The following CADM1 variants were observed in gnomAD, a reference collection of about 807,000 sequenced individuals.
CADM1 encodes the protein cell adhesion molecule 1.
Under a neutral mutation model 53.1 loss-of-function variants are expected in CADM1, and 15 were observed. That is an observed-to-expected ratio of 0.28 (90% CI 0.19 to 0.44). CADM1 has a LOEUF of 0.44. Among genes scored for constraint, CADM1 ranks in the 20% least tolerant of loss-of-function variants. The pLI, the probability that CADM1 is intolerant of heterozygous loss-of-function variation, is 1.00. For missense variants in CADM1, 434 were observed against 611.3 expected, an observed-to-expected ratio of 0.71 and a Z score of 3.06; for synonymous variants, 281 against 243.0, an observed-to-expected ratio of 1.16 and a Z score of -1.45.
intron 1 of CADM1, among the ~76,000 whole-genome samples, chr11:115,284,085 A>ACTCTCTCTCTCTCTCTCT (rs1449186377): frequency 9.4e-4 from 22 of 23,368 alleles, no homozygotes; most frequent in African/African-American, 2.6e-3. Flanking sequence ...ACAAGCCCAG[A>ACTCTCTCTCTCTCTCTCT]CACTCTCTCT....
chr11:115,404,846 A>G (rs1218406818), intron 1 of CADM1, among the ~76,000 whole-genome samples: 1 of 144,260 alleles, frequency 6.9e-6, no homozygotes, highest in Non-Finnish European at 1.5e-5. Flanking sequence ...TGCCTCAGGA[A>G]AAAAAAAAAA....
rs778473450 is a variant in CADM1, at chr11:115,174,383, C to A, written c.*2091G>T. On this transcript the variant is annotated 3_prime_UTR_variant, in exon 12 of 12. Coordinates refer to ENST00000331581, the MANE Select transcript of CADM1 (RefSeq NM_001301043.2). ...CCCTTTGATATGATTATACTATGGT[C>A]GGAATGGGTGCTAAGGGCTCGGAAT... 1.0e-6 allele frequency: 1 copy of A among 985,104 alleles called. No individual in the cohort carries two copies. Among genetic ancestry groups the A allele is most frequent in the African/African-American group, 1.8e-5 (1 of 57,010 alleles). 61.0% of individuals were successfully genotyped at this position (985,104 alleles called of 1,614,324 possible). A position where few individuals can be genotyped will look rare whatever the true frequency, so the allele number is the denominator to read the frequency against.
At chr11:115,417,605 G>A (rs995179631) in intron 1 of CADM1, among the ~76,000 whole-genome samples, 2 of 152,124 alleles carry the variant, frequency 1.3e-5, no homozygotes, top group East Asian at 1.9e-4. Context: ...TAACCAAGAC[G>A]GCTAGTGAGA....
rs1945166594 is a variant in CADM1 at position 115,332,815 on chromosome 11, G to C, written c.125-92395C>G. ...AAATATAAATAATCTGATAGTAAAT[G>C]AAGAGGGTTAAAAAATATATTTAAT... On this transcript the variant is annotated intron_variant, in intron 1 of 11. Coordinates refer to ENST00000331581, the MANE Select transcript of CADM1 (RefSeq NM_001301043.2). Among the ~76,000 whole-genome samples the C allele has an allele frequency of 2.0e-5, 3 of 152,058 alleles. No individual in the cohort carries two copies. The South Asian group carries it at 6.2e-4, about 32-fold the overall frequency.
Position 115,169,725 on chromosome 11 carries a change from A to T in CADM1, c.*6749T>A. ...AGTGCAGAAGATTCCCTTCCATAGC[A>T]ATACTTTTTAATCAGGTCTGCTGTG... On this transcript the variant is annotated 3_prime_UTR_variant, in exon 12 of 12. Coordinates refer to ENST00000331581, the MANE Select transcript of CADM1 (RefSeq NM_001301043.2). 1 of 430,006 alleles carries T rather than the reference A, an allele frequency of 2.3e-6. No homozygotes were observed. Among genetic ancestry groups the T allele is most frequent in the South Asian group, 1.7e-5 (1 of 59,260 alleles). 26.6% of individuals were successfully genotyped at this position (430,006 alleles called of 1,614,324 possible).
At chr11:115,415,706 T>C (rs543144067) in intron 1 of CADM1, among the ~76,000 whole-genome samples, 1 of 151,162 alleles carries the variant, frequency 6.6e-6, no homozygotes, top group East Asian at 2.0e-4. Flanking sequence ...CATGGTGATG[T>C]GCACCTGTAG....
chr11:115,381,293 CAAA>C (rs35733611), intron 1 of CADM1, among the ~76,000 whole-genome samples: 9 of 115,772 alleles, frequency 7.8e-5, no homozygotes, highest in Admixed American at 1.8e-4. Flanking sequence ...GACTCCATCT[CAAA>C]AAAAAAAAAA....
chr11:115,340,986 G>T (rs570598306), intron 1 of CADM1, among the ~76,000 whole-genome samples: 48 of 151,842 alleles, frequency 3.2e-4, no homozygotes, highest in African/African-American at 1.1e-3. Context: ...ACATGCAAAT[G>T]GAAGAAAATG....
chr11:115,201,347 A>C (rs1940419377), intron 8 of CADM1, among the ~76,000 whole-genome samples: 2 of 152,212 alleles, frequency 1.3e-5, no homozygotes, highest in Non-Finnish European at 2.9e-5. Flanking sequence ...AAGAATTAAG[A>C]AAACATTCTT....
At chr11:115,406,562 T>C (rs2135232862) in intron 1 of CADM1, among the ~76,000 whole-genome samples, 1 of 148,138 alleles carries the variant, frequency 6.8e-6, no homozygotes, top group East Asian at 1.9e-4. Flanking sequence ...CTTATATAAT[T>C]ACATAATATT....
chr11:115,253,828 G>A (rs1942687030), intron 1 of CADM1, among the ~76,000 whole-genome samples: 1 of 152,178 alleles, frequency 6.6e-6, no homozygotes, highest in African/African-American at 2.4e-5. Context: ...AAATCGTTAT[G>A]TGTCTCAGTC....
intron 11 of CADM1, among the ~76,000 whole-genome samples, chr11:115,177,771 C>T (rs958206688): frequency 1.3e-5 from 2 of 151,774 alleles, no homozygotes; most frequent in African/African-American, 4.8e-5. Context: ...TCGTCCTAAA[C>T]TGTTTTATGC....
intron 1 of CADM1, among the ~76,000 whole-genome samples, chr11:115,301,137 T>G (rs1327073705): frequency 6.6e-6 from 1 of 152,084 alleles, no homozygotes; most frequent in Non-Finnish European, 1.5e-5. Context: ...ATCAGCACAT[T>G]AGACTGAAGG....
intron 2 of CADM1, among the ~76,000 whole-genome samples, chr11:115,239,296 A>G (rs1275719584): frequency 6.6e-5 from 10 of 152,204 alleles, no homozygotes; most frequent in Admixed American, 6.5e-4. Context: ...ACGTGATTTG[A>G]GGTGGAGCTG....
chr11:115,453,697 C>T (rs913444598), intron 1 of CADM1, among the ~76,000 whole-genome samples: 4 of 152,108 alleles, frequency 2.6e-5, no homozygotes, highest in African/African-American at 9.7e-5. Flanking sequence ...CGGGGTTTTA[C>T]CATGTTGGCC....
At chr11:115,450,844 A>G (rs558985073) in intron 1 of CADM1, among the ~76,000 whole-genome samples, 72 of 152,298 alleles carry the variant, frequency 4.7e-4, no homozygotes, top group Non-Finnish European at 4.4e-5. Context: ...TCACAACAGA[A>G]ATTCTATAAA....
At position 115,214,693 on chromosome 11, in the gene CADM1, T is replaced by G; in HGVS notation, c.909A>C (p.Leu303=). ...GGTATGTACCATTATCTGTTTTGTT[T>G]AGGTTATTGATGAACAGGTTGGGCC... The part of the protein sequence containing the change: ...LSGPNLFINN[L]NKTDNGTYRC... Residue 303 remains leucine, a synonymous_variant, in exon 7 of 12, where the codon CTA becomes CTC. Transcript: ENST00000331581. 2.5e-6 allele frequency: 4 copies of G among 1,614,090 alleles called. No homozygotes were observed. The highest frequency in any genetic ancestry group is 3.4e-6 in the Non-Finnish European group (4 of 1,179,958).
intron 1 of CADM1, among the ~76,000 whole-genome samples, chr11:115,483,516 A>G (rs1164958075): frequency 6.6e-6 from 1 of 152,198 alleles, no homozygotes; most frequent in Non-Finnish European, 1.5e-5. Flanking sequence ...TGAGGAAAGG[A>G]CTATTAAGAT....
intron 1 of CADM1, among the ~76,000 whole-genome samples, chr11:115,361,132 A>C (rs891048159): frequency 6.6e-6 from 1 of 152,198 alleles, no homozygotes; most frequent in African/African-American, 2.4e-5. Context: ...AAGAAATGGA[A>C]AATAAAAAAG....
Sources: gnomAD v4.1 joint callset for allele counts (sites outside exome capture counted in the v4.1 genomes callset) on GRCh38, gnomAD v4.1.1 for gene constraint, MANE v1.5 for transcripts, NCBI Gene and HGNC (gene_info 2026-07-23, HGNC 2026-07-21) for gene names.